Variants in XPR1 observed in about 807,000 individuals in gnomAD.
The protein encoded by XPR1 is solute carrier family 53 member 1.
Under a neutral mutation model 87.5 loss-of-function variants are expected in XPR1, and 28 were observed. The observed-to-expected ratio is 0.32, with a 90% CI of 0.24 to 0.44. XPR1 has a LOEUF of 0.44. Among genes scored for constraint, XPR1 ranks in the 20% least tolerant of loss-of-function variants. XPR1 has a pLI of 1.00. For synonymous variants in XPR1, 300 were observed against 306.1 expected, an observed-to-expected ratio of 0.98 and a Z score of 0.21; for missense variants, 559 against 862.3, an observed-to-expected ratio of 0.65 and a Z score of 4.41.
rs187052923 is a variant in XPR1 at position 180,699,116 on chromosome 1, T to C, written c.121+16705T>C. 7.0e-4 allele frequency among the ~76,000 whole-genome samples: 106 copies of C among 152,240 alleles called. 2 individuals are homozygous for C. Among genetic ancestry groups the C allele is most frequent in the African/African-American group, 2.0e-3 (82 of 41,578 alleles). ...AGGCTTTTTATATCTTTACCCATCA[T>C]TTCACCTTCTGGGATTCCTAGAATT... On this transcript the variant is annotated intron_variant, in intron 2 of 14. Transcript: ENST00000367590.
intron 2 of XPR1, among the ~76,000 whole-genome samples, chr1:180,708,557 T>G (rs2101979870): frequency 6.6e-6 from 1 of 151,946 alleles, no homozygotes; most frequent in East Asian, 1.9e-4. Flanking sequence ...TTCTAAAATT[T>G]TTTAGTGGAG....
intron 2 of XPR1, among the ~76,000 whole-genome samples, chr1:180,683,497 G>T (rs1165252677): frequency 6.6e-6 from 1 of 152,028 alleles, no homozygotes; most frequent in Non-Finnish European, 1.5e-5. Flanking sequence ...GGGATGGCTG[G>T]GTCAAATGGT....
chr1:180,781,432 T>C (rs34710814), intron 2 of XPR1, among the ~76,000 whole-genome samples: 2,773 of 151,992 alleles, frequency 0.018, 63 homozygotes, highest in Admixed American at 0.041. Flanking sequence ...TTTAAATAAA[T>C]GGTTTTTGAG....
At chr1:180,758,090 CATATATATGA>C (rs1647827364) in intron 2 of XPR1, among the ~76,000 whole-genome samples, 3 of 143,082 alleles carry the variant, frequency 2.1e-5, no homozygotes, top group Non-Finnish European at 4.6e-5. Flanking sequence ...TATATGTATA[CATATATATGA>C]ACATATAGAA....
intron 1 of XPR1, among the ~76,000 whole-genome samples, chr1:180,657,629 A>G (rs1655581675): frequency 6.6e-6 from 1 of 151,988 alleles, no homozygotes; most frequent in Admixed American, 6.6e-5. Context: ...TGGATTCCTT[A>G]TTCTTTTCCA....
At chr1:180,645,584 T>C (rs1655095614) in intron 1 of XPR1, among the ~76,000 whole-genome samples, 1 of 152,240 alleles carries the variant, frequency 6.6e-6, no homozygotes, top group Non-Finnish European at 1.5e-5. Flanking sequence ...TTCTGAAATC[T>C]CTGGAGCGGC....
Position 180,779,655 on chromosome 1 carries a change from G to T in XPR1, c.122-8098G>T, listed in dbSNP as rs550334729. On this transcript the variant is annotated intron_variant, in intron 2 of 14. Coordinates refer to ENST00000367590, the MANE Select transcript of XPR1 (RefSeq NM_004736.4). ...AATCCCAGCTACTCAGGAGGCTGAG[G>T]CAGGAGAATCACTTGAACCCGGGAG... Among the ~76,000 whole-genome samples the T allele has an allele frequency of 5.3e-5, 8 of 151,998 alleles. No homozygotes were observed. The East Asian group carries it at 1.2e-3, about 22-fold the overall frequency.
At position 180,889,504 on chromosome 1, in the gene XPR1, C is replaced by T. The variant is rs966839072; in HGVS notation, c.*5438C>T. 2 of 152,224 alleles carry T rather than the reference C, an allele frequency of 1.3e-5. No individual in the cohort carries two copies. Among genetic ancestry groups the T allele is most frequent in the Admixed American group, 1.3e-4 (2 of 15,290 alleles). The allele number at this position is 152,224 out of a possible 1,614,324, so 9.4% of individuals were successfully genotyped here. A position where few individuals can be genotyped will look rare whatever the true frequency, so the allele number is the denominator to read the frequency against. On this transcript the variant is annotated 3_prime_UTR_variant, in exon 15 of 15. Coordinates refer to ENST00000367590, the MANE Select transcript of XPR1 (RefSeq NM_004736.4). ...TGATCATTATCTCTGAAGTCCCTACCTGCACTTCCCTGATTGCCCTGTAGC... is the reference window on the plus strand; with the variant it reads ...TGATCATTATCTCTGAAGTCCCTACTTGCACTTCCCTGATTGCCCTGTAGC...
chr1:180,815,757 G>A (rs977484428), intron 7 of XPR1, among the ~76,000 whole-genome samples: 4 of 151,920 alleles, frequency 2.6e-5, no homozygotes, highest in Admixed American at 6.6e-5. Context: ...TACTGGTTTG[G>A]CCATTTACAG....
intron 2 of XPR1, among the ~76,000 whole-genome samples, chr1:180,748,543 C>T (rs1274911326): frequency 6.6e-5 from 10 of 150,520 alleles, no homozygotes; most frequent in Admixed American, 2.0e-4. Flanking sequence ...CTCAGCCTCC[C>T]GAGTAGCTGG....
At chr1:180,710,795 C>CA (rs1357861655) in intron 2 of XPR1, among the ~76,000 whole-genome samples, 1 of 139,486 alleles carries the variant, frequency 7.2e-6, no homozygotes, top group African/African-American at 2.6e-5. Context: ...GGCGCCCCCC[C>CA]ACCTCCCGGA....
At chr1:180,659,373 G>T (rs191014953) in intron 1 of XPR1, among the ~76,000 whole-genome samples, 201 of 73,164 alleles carry the variant, frequency 2.7e-3, no homozygotes, top group East Asian at 3.0e-3. Flanking sequence ...CCTTCCGTCC[G>T]TCCTTCCGTC....
At position 180,888,791 on chromosome 1, in the gene XPR1, A is replaced by G. The variant is rs1327684852; in HGVS notation, c.*4725A>G. ...ACTTTCTGCATTGTATTTTAAGTCT[A>G]TACAATGTTAGAGCACATGGTAATG... On this transcript the variant is annotated 3_prime_UTR_variant, in exon 15 of 15. Transcript: ENST00000367590. The G allele has an allele frequency of 6.6e-6, 1 of 152,380 alleles. No homozygotes were observed. Among genetic ancestry groups the G allele is most frequent in the East Asian group, 1.9e-4 (1 of 5,194 alleles). The allele number at this position is 152,380 out of a possible 1,614,324, so 9.4% of individuals were successfully genotyped here. A position where few individuals can be genotyped will look rare whatever the true frequency, so the allele number is the denominator to read the frequency against.
At chr1:180,844,039 C>G (rs932582947) in intron 11 of XPR1, among the ~76,000 whole-genome samples, 2 of 151,972 alleles carry the variant, frequency 1.3e-5, no homozygotes, top group Non-Finnish European at 2.9e-5. Flanking sequence ...GGTGAAACCC[C>G]ATCTCTACTA....
rs566795812 is a variant in XPR1, at chr1:180,829,216, A to T, written c.1134+3872A>T. ...TCTTCTTAGCTATTTATCAGTATTAACTTAAAAGAGGATGTTAACATGTTC... is the reference window on the plus strand; with the variant it reads ...TCTTCTTAGCTATTTATCAGTATTATCTTAAAAGAGGATGTTAACATGTTC... On this transcript the variant is annotated intron_variant, in intron 9 of 14. Transcript: ENST00000367590. Among the ~76,000 whole-genome samples the T allele has an allele frequency of 1.4e-4, 22 of 151,878 alleles. No individual in the cohort carries two copies. In the South Asian group the frequency reaches 4.6e-3, roughly 32 times the overall value.
chr1:180,647,742 A>G (rs1387602393), intron 1 of XPR1, among the ~76,000 whole-genome samples: 1 of 151,992 alleles, frequency 6.6e-6, no homozygotes, highest in Non-Finnish European at 1.5e-5. Flanking sequence ...TCTACTGAAA[A>G]TACAAAAATG....
intron 12 of XPR1, among the ~76,000 whole-genome samples, chr1:180,866,249 C>T (rs115958436): frequency 6.6e-6 from 1 of 151,712 alleles, no homozygotes; most frequent in Non-Finnish European, 1.5e-5. Flanking sequence ...AAACAAAAGG[C>T]AGATAGTTGG....
intron 11 of XPR1, among the ~76,000 whole-genome samples, chr1:180,844,729 G>T (rs572213853): frequency 6.6e-6 from 1 of 152,246 alleles, no homozygotes; most frequent in Admixed American, 6.5e-5. Context: ...CCTCACTGCA[G>T]GTTGGGTTTG....
At chr1:180,696,202 GTGTGTGTATATATATATA>G (rs1351274226) in intron 2 of XPR1, among the ~76,000 whole-genome samples, 1 of 106,314 alleles carries the variant, frequency 9.4e-6, no homozygotes, top group African/African-American at 4.1e-5. Flanking sequence ...GTGTGTGTGT[GTGTGTGTATATATATATA>G]TATATATATA....
Sources: allele counts gnomAD v4.1 joint callset (sites outside exome capture counted in the v4.1 genomes callset), GRCh38; gene constraint gnomAD v4.1.1; transcripts MANE v1.5; gene names NCBI Gene and HGNC (gene_info 2026-07-23, HGNC 2026-07-21).